Variants in LRMDA observed in about 807,000 individuals in gnomAD.
The protein encoded by LRMDA is leucine rich melanocyte differentiation associated.
In LRMDA, 18 loss-of-function variants were observed where a neutral mutation model predicts 29.8. That is an observed-to-expected ratio of 0.60 (90% CI 0.42 to 0.90). The LOEUF (loss-of-function observed/expected upper bound fraction) is 0.90, where lower values mean the gene tolerates loss of function less well. LRMDA is among the 40% of genes least tolerant of loss of function. LRMDA has a pLI of 0.00. For missense variants in LRMDA, 273 were observed against 273.9 expected, an observed-to-expected ratio of 1.00 and a Z score of 0.02; for synonymous variants, 125 against 109.4, an observed-to-expected ratio of 1.14 and a Z score of -0.89.
intron 2 of LRMDA, among the ~76,000 whole-genome samples, chr10:76,031,243 G>A (rs914805017): frequency 6.6e-6 from 1 of 152,110 alleles, no homozygotes; most frequent in Non-Finnish European, 1.5e-5. Context: ...TTTACCTACT[G>A]AAGGAAGTAT....
chr10:76,307,096 A>G (rs1840565453), intron 5 of LRMDA, among the ~76,000 whole-genome samples: 1 of 152,032 alleles, frequency 6.6e-6, no homozygotes, highest in South Asian at 2.1e-4. Flanking sequence ...TTTCCATGTC[A>G]TACTGTGACC....
chr10:76,410,846 T>C (rs1589170972), intron 6 of LRMDA, among the ~76,000 whole-genome samples: 1 of 152,006 alleles, frequency 6.6e-6, no homozygotes, highest in Non-Finnish European at 1.5e-5. Flanking sequence ...CCCAGCAGGC[T>C]GAGGTAGGAT....
chr10:76,135,432 G>T (rs1259986735), intron 5 of LRMDA, among the ~76,000 whole-genome samples: 1 of 152,150 alleles, frequency 6.6e-6, no homozygotes, highest in African/African-American at 2.4e-5. Context: ...ACCCTTCAAG[G>T]CTTCTATCTT....
chr10:75,588,943 A>G lies in LRMDA; in HGVS notation c.131+150449A>G, dbSNP rs1338201459. Among the ~76,000 whole-genome samples the G allele has an allele frequency of 3.9e-5, 6 of 152,324 alleles. No individual in the cohort carries two copies. The South Asian group carries it at 8.3e-4, about 21-fold the overall frequency. On this transcript the variant is annotated intron_variant, in intron 2 of 6. Coordinates refer to ENST00000611255, the MANE Select transcript of LRMDA (RefSeq NM_001305581.2). Reference sequence around the variant, plus strand: ...CATTCCACACATAGAGAGCTTCCTCATTAAAATTTTATAGGTATATAGTGT... The same window carrying G: ...CATTCCACACATAGAGAGCTTCCTCGTTAAAATTTTATAGGTATATAGTGT...
chr10:76,426,940 T>C (rs1190508030), intron 6 of LRMDA, among the ~76,000 whole-genome samples: 1 of 152,180 alleles, frequency 6.6e-6, no homozygotes, highest in Non-Finnish European at 1.5e-5. Flanking sequence ...TTCTGAGGGC[T>C]GTGTTCTGTT....
intron 2 of LRMDA, among the ~76,000 whole-genome samples, chr10:75,522,280 T>C (rs1201259290): frequency 1.3e-5 from 2 of 152,142 alleles, no homozygotes; most frequent in Admixed American, 6.5e-5. Context: ...TAAGTTTCAT[T>C]TGGGAGTCTG....
chr10:76,300,952 A>G (rs1840472926), intron 5 of LRMDA, among the ~76,000 whole-genome samples: 2 of 152,190 alleles, frequency 1.3e-5, no homozygotes, highest in South Asian at 4.1e-4. Flanking sequence ...GTACATGCTT[A>G]GTAACCATTA....
At chr10:75,762,815 C>T (rs949945655) in intron 2 of LRMDA, among the ~76,000 whole-genome samples, 25 of 152,074 alleles carry the variant, frequency 1.6e-4, no homozygotes, top group Admixed American at 1.0e-3. Context: ...TATGTGGTCT[C>T]ATATATATAT....
chr10:75,527,988 G>T (rs2132041048), intron 2 of LRMDA, among the ~76,000 whole-genome samples: 1 of 151,994 alleles, frequency 6.6e-6, no homozygotes. Flanking sequence ...GTTTCGCCAT[G>T]TTGCCCAGGC....
At chr10:76,399,471 T>C (rs1013625338) in intron 6 of LRMDA, among the ~76,000 whole-genome samples, 1 of 152,240 alleles carries the variant, frequency 6.6e-6, no homozygotes, top group African/African-American at 2.4e-5. Flanking sequence ...ATAAAATCAC[T>C]GGAGATAGCT....
At chr10:75,512,600 C>G (rs906510758) in intron 2 of LRMDA, among the ~76,000 whole-genome samples, 2 of 152,066 alleles carry the variant, frequency 1.3e-5, no homozygotes, top group Non-Finnish European at 2.9e-5. Flanking sequence ...GCGAGTGAGT[C>G]GTGATGGTTC....
intron 2 of LRMDA, among the ~76,000 whole-genome samples, chr10:75,906,953 A>C (rs566991338): frequency 6.6e-6 from 1 of 152,194 alleles, no homozygotes; most frequent in Non-Finnish European, 1.5e-5. Flanking sequence ...CTCTTTTTCC[A>C]GGGGAGAGTT....
chr10:75,785,728 A>G (rs1843460936), intron 2 of LRMDA, among the ~76,000 whole-genome samples: 1 of 152,214 alleles, frequency 6.6e-6, no homozygotes, highest in Non-Finnish European at 1.5e-5. Flanking sequence ...CTAATGTTTC[A>G]TTTATAGCAA....
chr10:76,200,555 T>G (rs1181980176), intron 5 of LRMDA, among the ~76,000 whole-genome samples: 1 of 152,104 alleles, frequency 6.6e-6, no homozygotes, highest in East Asian at 1.9e-4. Context: ...TTTGTAGGCA[T>G]CTACAAACAG....
chr10:75,569,913 G>C (rs1840417660), intron 2 of LRMDA, among the ~76,000 whole-genome samples: 1 of 152,214 alleles, frequency 6.6e-6, no homozygotes, highest in South Asian at 2.1e-4. Context: ...TTTGTTGAAG[G>C]CATGGCCAAT....
chr10:76,210,077 A>G (rs1851608872), intron 5 of LRMDA, among the ~76,000 whole-genome samples: 2 of 152,228 alleles, frequency 1.3e-5, no homozygotes, highest in South Asian at 4.1e-4. Context: ...ACCGGGAATG[A>G]GACAGGCAGA....
chr10:76,320,286 G>A (rs1007692188), intron 5 of LRMDA, among the ~76,000 whole-genome samples: 1 of 152,076 alleles, frequency 6.6e-6, no homozygotes, highest in Non-Finnish European at 1.5e-5. Flanking sequence ...CTCTTTGATC[G>A]TGAGCAGGAG....
intron 6 of LRMDA, among the ~76,000 whole-genome samples, chr10:76,394,854 A>T (rs1841764506): frequency 6.6e-6 from 1 of 152,200 alleles, no homozygotes. Flanking sequence ...ACCAGGGTTT[A>T]ATCTTCCAAA....
intron 5 of LRMDA, among the ~76,000 whole-genome samples, chr10:76,309,099 G>C (rs1475031053): frequency 6.6e-6 from 1 of 152,152 alleles, no homozygotes; most frequent in Non-Finnish European, 1.5e-5. Context: ...TCTATTATCC[G>C]TGGCTTCCCT....
Sources: allele counts gnomAD v4.1 joint callset (sites outside exome capture counted in the v4.1 genomes callset), GRCh38; gene constraint gnomAD v4.1.1; transcripts MANE v1.5; gene names NCBI Gene and HGNC (gene_info 2026-07-23, HGNC 2026-07-21).